The following SPAG16 variants were observed in gnomAD, a reference collection of about 807,000 sequenced individuals.
The protein encoded by SPAG16 is sperm-associated antigen 16 protein.
A neutral mutation model predicts 80.4 loss-of-function variants in SPAG16; 86 were observed. The ratio of observed to expected loss-of-function variants is 1.07; its 90% CI spans 0.90 to 1.28. The LOEUF (loss-of-function observed/expected upper bound fraction) is 1.28, where lower values mean the gene tolerates loss of function less well. Among genes scored for constraint, SPAG16 ranks in the 50% most tolerant of loss-of-function variants. The pLI, the probability that SPAG16 is intolerant of heterozygous loss-of-function variation, is 0.00. For synonymous variants in SPAG16, 294 were observed against 265.9 expected (o/e 1.11, Z -1.03); for missense variants, 870 against 765.3 (o/e 1.14, Z -1.61).
chr2:213,446,803 A>T (rs1354708935), intron 9 of SPAG16, among the ~76,000 whole-genome samples: 1 of 152,112 alleles, frequency 6.6e-6, no homozygotes, highest in Non-Finnish European at 1.5e-5. Context: ...CACTGCATTT[A>T]ATGTTACTAT....
chr2:213,451,699 G>T (rs1463059085), intron 9 of SPAG16, among the ~76,000 whole-genome samples: 1 of 152,142 alleles, frequency 6.6e-6, no homozygotes, highest in African/African-American at 2.4e-5. Context: ...ATATAAATGG[G>T]CTAGTGAGGA....
intron 10 of SPAG16, among the ~76,000 whole-genome samples, chr2:213,683,466 G>A (rs1466956274): frequency 6.6e-6 from 1 of 151,866 alleles, no homozygotes; most frequent in Non-Finnish European, 1.5e-5. Flanking sequence ...CAGGAGAATG[G>A]CTTGAACACA....
intron 15 of SPAG16, among the ~76,000 whole-genome samples, chr2:214,225,061 G>A (rs1344113046): frequency 2.0e-5 from 3 of 152,158 alleles, no homozygotes; most frequent in Non-Finnish European, 4.4e-5. Flanking sequence ...TAACATTTAA[G>A]CCATGCATAT....
At chr2:213,584,645 C>T (rs549773859) in intron 10 of SPAG16, among the ~76,000 whole-genome samples, 3 of 151,794 alleles carry the variant, frequency 2.0e-5, no homozygotes, top group Non-Finnish European at 2.9e-5. Flanking sequence ...GAAGGATGAA[C>T]GGACAGACGG....
At chr2:214,295,276 G>T (rs961431035) in intron 15 of SPAG16, among the ~76,000 whole-genome samples, 58 of 152,190 alleles carry the variant, frequency 3.8e-4, no homozygotes, top group African/African-American at 1.4e-3. Flanking sequence ...ATCAATGCCT[G>T]CTTTGTTATA....
At chr2:213,604,694 CT>C (rs892924804) in intron 10 of SPAG16, among the ~76,000 whole-genome samples, 1 of 151,474 alleles carries the variant, frequency 6.6e-6, no homozygotes, top group Non-Finnish European at 1.5e-5. Context: ...TCTCTTTTAC[CT>C]TTCCCTTCTA....
At chr2:214,007,407 A>G (rs2047077620) in intron 12 of SPAG16, among the ~76,000 whole-genome samples, 1 of 152,124 alleles carries the variant, frequency 6.6e-6, no homozygotes, top group South Asian at 2.1e-4. Context: ...ACCAGCCTGG[A>G]CAATATAGCA....
At chr2:213,995,547 A>G (rs1174052625) in intron 12 of SPAG16, among the ~76,000 whole-genome samples, 1 of 152,202 alleles carries the variant, frequency 6.6e-6, no homozygotes, top group Non-Finnish European at 1.5e-5. Context: ...CTAGAAGTCA[A>G]GCTAATTTAG....
chr2:213,783,441 ATTTT>A (rs1006881649), intron 10 of SPAG16, among the ~76,000 whole-genome samples: 2 of 145,744 alleles, frequency 1.4e-5, no homozygotes, highest in Non-Finnish European at 3.0e-5. Flanking sequence ...TATATCTATT[ATTTT>A]TTTTAAGAAC....
At chr2:213,704,978 C>T (rs969075653) in intron 10 of SPAG16, among the ~76,000 whole-genome samples, 7 of 152,190 alleles carry the variant, frequency 4.6e-5, no homozygotes, top group African/African-American at 1.4e-4. Flanking sequence ...ATAGGCTAGG[C>T]GCATGGGCTT....
At chr2:213,442,867 A>T (rs2071062807) in intron 9 of SPAG16, among the ~76,000 whole-genome samples, 1 of 152,194 alleles carries the variant, frequency 6.6e-6, no homozygotes, top group South Asian at 2.1e-4. Context: ...AGCACCAAAG[A>T]CAGGATCCAT....
At chr2:213,692,288 C>G (rs1339288997) in intron 10 of SPAG16, among the ~76,000 whole-genome samples, 1 of 151,880 alleles carries the variant, frequency 6.6e-6, no homozygotes, top group Non-Finnish European at 1.5e-5. Flanking sequence ...GTTACAGTAC[C>G]TTTTTTAAGT....
chr2:213,593,866 C>T (rs1452196619), intron 10 of SPAG16, among the ~76,000 whole-genome samples: 1 of 146,752 alleles, frequency 6.8e-6, no homozygotes, highest in African/African-American at 2.5e-5. Flanking sequence ...GCTCCGCCTC[C>T]CCGGTTCCCG....
intron 15 of SPAG16, among the ~76,000 whole-genome samples, chr2:214,334,652 A>G (rs1458663641): frequency 1.3e-5 from 2 of 152,224 alleles, no homozygotes; most frequent in East Asian, 1.9e-4. Context: ...CCTGGAATCC[A>G]GCAATAGCCA....
intron 10 of SPAG16, among the ~76,000 whole-genome samples, chr2:213,785,961 C>T (rs1259010502): frequency 1.0e-4 from 15 of 149,906 alleles, no homozygotes; most frequent in Admixed American, 9.3e-4. Context: ...GAGCCGAGAT[C>T]ACACCATTGC....
intron 15 of SPAG16, among the ~76,000 whole-genome samples, chr2:214,277,251 T>G (rs575845257): frequency 6.6e-6 from 1 of 152,036 alleles, no homozygotes; most frequent in Non-Finnish European, 1.5e-5. Flanking sequence ...TTTAGCTCCT[T>G]TAGCTTGTTA....
chr2:214,122,153 A>G (rs961294404), intron 14 of SPAG16, among the ~76,000 whole-genome samples: 2 of 151,790 alleles, frequency 1.3e-5, no homozygotes, highest in Admixed American at 1.3e-4. Context: ...TAAACTTGCC[A>G]TACATATTTT....
chr2:214,160,372 C>A (rs1053117716), intron 15 of SPAG16, among the ~76,000 whole-genome samples: 2 of 151,722 alleles, frequency 1.3e-5, no homozygotes. Context: ...TTTTCCTTAT[C>A]CAAATTTGGT....
intron 10 of SPAG16, among the ~76,000 whole-genome samples, chr2:213,582,188 A>G (rs538152373): frequency 6.6e-6 from 1 of 152,286 alleles, no homozygotes; most frequent in South Asian, 2.1e-4. Context: ...GGTAACTTTG[A>G]TACTATCCAA....
Sources: allele counts gnomAD v4.1 joint callset (sites outside exome capture counted in the v4.1 genomes callset), GRCh38; gene constraint gnomAD v4.1.1; transcripts MANE v1.5; gene names NCBI Gene and HGNC (gene_info 2026-07-23, HGNC 2026-07-21).